SH2B2: variants seen among roughly 807,000 people sequenced by gnomAD.
The protein encoded by SH2B2 is SH2B adaptor protein 2.
In SH2B2, 37 loss-of-function variants were observed where a neutral mutation model predicts 35.7. The ratio of observed to expected loss-of-function variants is 1.04; its 90% confidence interval spans 0.80 to 1.36. The LOEUF is 1.36. Among genes scored for constraint, SH2B2 ranks in the 40% most tolerant of loss-of-function variants. SH2B2 has a pLI of 0.00. For synonymous variants in SH2B2, 383 were observed against 376.4 expected, an observed-to-expected ratio of 1.02 and a Z score of -0.20; for missense variants, 852 against 817.7, an observed-to-expected ratio of 1.04 and a Z score of -0.51.
At chr7:102,295,570 G>T (rs1792874953) in intron 1 of SH2B2, among the ~76,000 whole-genome samples, 1 of 152,168 alleles carries the variant, frequency 6.6e-6, no homozygotes, top group Admixed American at 6.5e-5. Context: ...CTTTTGCCCT[G>T]CGCACTCTCT....
intron 1 of SH2B2, among the ~76,000 whole-genome samples, chr7:102,296,988 C>CA (rs1297704407): frequency 4.6e-5 from 7 of 151,802 alleles, no homozygotes; most frequent in African/African-American, 1.2e-4. Flanking sequence ...CAAAAAAAAA[C>CA]AAAAAACAAA....
rs550166791 is a variant in SH2B2 at position 102,320,337 on chromosome 7, C to T, written c.1402C>T (p.Arg468Cys). The change falls in exon 8 of 9, where the codon CGC (arginine) becomes TGC (cysteine). Residue 468 changes from arginine (R) to cysteine (C), a missense_variant. Coordinates refer to ENST00000444095, the MANE Select transcript of SH2B2 (RefSeq NM_001359228.2). Reference protein sequence around the residue: ...FNFQGKAKHLRLSLNGHGQCH... With the variant: ...FNFQGKAKHLCLSLNGHGQCH... Reference sequence around the variant, plus strand: ...CACCCACCTGTACCCACAGCACCTGCGCCTGTCCCTGAACGGCCACGGCCA... The same window carrying T: ...CACCCACCTGTACCCACAGCACCTGTGCCTGTCCCTGAACGGCCACGGCCA... The T allele has an allele frequency of 1.8e-5, 29 of 1,610,702 alleles. No homozygotes were observed. In the East Asian group the frequency reaches 3.3e-4, roughly 19 times the overall value.
intron 4 of SH2B2, among the ~76,000 whole-genome samples, chr7:102,311,348 A>G (rs1407726677): frequency 6.6e-6 from 1 of 151,182 alleles, no homozygotes; most frequent in Non-Finnish European, 1.5e-5. Flanking sequence ...TCCACCTCGC[A>G]GGTTCAAGCA....
At chr7:102,318,585 A>C (rs1332278465) in intron 7 of SH2B2, among the ~76,000 whole-genome samples, 1 of 152,176 alleles carries the variant, frequency 6.6e-6, no homozygotes, top group African/African-American at 2.4e-5. Flanking sequence ...GGCTCCTGCC[A>C]GGACGGATTT....
intron 7 of SH2B2, among the ~76,000 whole-genome samples, chr7:102,319,227 C>A (rs1435357833): frequency 6.6e-6 from 1 of 152,228 alleles, no homozygotes; most frequent in African/African-American, 2.4e-5. Context: ...CTTCTTCTCT[C>A]CCCAGGGACC....
intron 1 of SH2B2, among the ~76,000 whole-genome samples, chr7:102,300,269 A>G (rs1367129841): frequency 1.3e-5 from 2 of 152,190 alleles, no homozygotes; most frequent in African/African-American, 4.8e-5. Flanking sequence ...ACCTCAGGTG[A>G]TCCACCCACC....
chr7:102,309,474 C>T, intron 4 of SH2B2: 1 of 304,704 alleles, frequency 3.3e-6, no homozygotes. Flanking sequence ...AATTTTCCTG[C>T]CTCAGCCTCC....
intron 2 of SH2B2, among the ~76,000 whole-genome samples, chr7:102,305,640 TG>T (rs1286632397): frequency 3.9e-5 from 6 of 152,192 alleles, no homozygotes; most frequent in Non-Finnish European, 7.3e-5. Context: ...GGGTAACTAT[TG>T]TCTGGTGAGA....
At chr7:102,295,725 C>T (rs564268437) in intron 1 of SH2B2, among the ~76,000 whole-genome samples, 41 of 152,200 alleles carry the variant, frequency 2.7e-4, no homozygotes, top group Non-Finnish European at 4.4e-4. Context: ...GGAGGGGTGT[C>T]GGGAGGCTTC....
At chr7:102,298,152 C>G (rs1020021928) in intron 1 of SH2B2, among the ~76,000 whole-genome samples, 1 of 152,158 alleles carries the variant, frequency 6.6e-6, no homozygotes, top group African/African-American at 2.4e-5. Context: ...ATGTCAGACC[C>G]TAGGGGCTGT....
At chr7:102,319,463 C>T (rs1409344041) in intron 7 of SH2B2, among the ~76,000 whole-genome samples, 2 of 152,142 alleles carry the variant, frequency 1.3e-5, no homozygotes, top group African/African-American at 4.8e-5. Flanking sequence ...TGGTCTTGAA[C>T]TCCTGACCTC....
In SH2B2 at chr7:102,300,859, C is replaced by A. The variant is rs1793136865; in HGVS notation, c.309C>A (p.Asp103Glu). ...AGGCCATGGAGCCGGAGCTCGCGGA[C>A]ACCTCTGCACTCAAGGCGGCGCCCT... ...SAEAMEPELADTSALKAAPYG... is the reference protein window; with the variant it reads ...SAEAMEPELAETSALKAAPYG... Residue 103 changes from aspartate (D) to glutamate (E), a missense_variant, in exon 2 of 9, where the codon GAC becomes GAA. Physicochemically the swap from Asp to Glu is conservative, Grantham distance 45. Around this residue, in one of 3 missense-constraint regions of SH2B2, gnomAD observed 294 missense variants for 286.6 expected, o/e 1.03. Coordinates refer to ENST00000444095, the MANE Select transcript of SH2B2 (RefSeq NM_001359228.2). The A allele has an allele frequency of 6.9e-7, 1 of 1,456,016 alleles. No individual in the cohort carries two copies. Among genetic ancestry groups the A allele is most frequent in the Non-Finnish European group, 9.0e-7 (1 of 1,105,398 alleles). The allele number at this position is 1,456,016 out of a possible 1,614,324, so 90.2% of individuals were successfully genotyped here.
At chr7:102,312,219 A>C (rs1793654803) in intron 4 of SH2B2, among the ~76,000 whole-genome samples, 1 of 151,702 alleles carries the variant, frequency 6.6e-6, no homozygotes, top group African/African-American at 2.4e-5. Context: ...TAAAAATACA[A>C]AAATTAGCTG....
chr7:102,293,173 T>A (rs782567710), intron 1 of SH2B2: 5 of 151,186 alleles, frequency 3.3e-5, no homozygotes, highest in African/African-American at 9.8e-5. Flanking sequence ...GCGGAATTGC[T>A]GCGCGGGCGG....
rs1272014324 is a variant in SH2B2 at position 102,317,074 on chromosome 7, C to A, written c.1187-113C>A. The A allele has an allele frequency of 4.7e-6, 4 of 845,790 alleles. No homozygotes were observed. The East Asian group carries it at 8.5e-5, about 18-fold the overall frequency. The allele number at this position is 845,790 out of a possible 1,614,324, so 52.4% of individuals were successfully genotyped here. On this transcript the variant is annotated intron_variant, in intron 6 of 8. Transcript: ENST00000444095. The stretch of plus-strand genomic sequence containing the variant: ...ACCAACTTTTTAAACATTATTCCAA[C>A]AGCATTTTGCATGTAAAAAAACCAA...
chr7:102,317,136 T>C (rs1038889820), intron 6 of SH2B2, 51 bp from the exon 7 acceptor site: 5 of 1,397,750 alleles, frequency 3.6e-6, no homozygotes, highest in Non-Finnish European at 3.9e-6. Flanking sequence ...TATTTATTTG[T>C]CCCCCTTTCT....
In SH2B2 at chr7:102,300,913, G is replaced by T; in HGVS notation, c.363G>T (p.Val121=). ...PYGHSRSSED[V]STHAATKARV... Reference sequence around the variant, plus strand: ...GCCACTCGCGGAGCTCGGAGGACGTGTCCACGCACGCGGCCACCAAGGCCC... The same window carrying T: ...GCCACTCGCGGAGCTCGGAGGACGTTTCCACGCACGCGGCCACCAAGGCCC... Residue 121 remains valine (V), a synonymous_variant, in exon 2 of 9, where the codon GTG becomes GTT. Transcript: ENST00000444095. 1 of 1,484,824 alleles carries T rather than the reference G, an allele frequency of 6.7e-7. No homozygotes were observed. The highest frequency in any genetic ancestry group is 1.3e-5 in the South Asian group (1 of 77,928). The allele number at this position is 1,484,824 out of a possible 1,614,324, so 92.0% of individuals were successfully genotyped here.
intron 2 of SH2B2, 126 bp downstream of exon 2, chr7:102,301,405 T>C (rs1177831867): frequency 3.4e-6 from 4 of 1,176,598 alleles, no homozygotes; most frequent in Non-Finnish European, 4.6e-6. Flanking sequence ...GTGAAGTATT[T>C]GGTGCCAGGA....
chr7:102,289,612 C>T (rs1009113612), intron 1 of SH2B2, among the ~76,000 whole-genome samples: 39 of 152,194 alleles, frequency 2.6e-4, no homozygotes, highest in African/African-American at 8.7e-4. Context: ...CTCCAGAGTT[C>T]GGGGATGCTC....
Sources: gnomAD v4.1 joint callset for allele counts (sites outside exome capture counted in the v4.1 genomes callset) on GRCh38, gnomAD v4.1.1 for gene constraint, gnomAD v4.1.1 regional missense constraint, MANE v1.5 for transcripts, NCBI Gene and HGNC (gene_info 2026-07-23, HGNC 2026-07-21) for gene names.